NSD3: variants seen among roughly 807,000 people sequenced by gnomAD.
NSD3 encodes the protein histone-lysine N-methyltransferase NSD3.
NSD3 carries 24 observed loss-of-function variants against 160.8 expected under a neutral mutation model. The ratio of observed to expected loss-of-function variants is 0.15; its 90% CI spans 0.11 to 0.21. The LOEUF (loss-of-function observed/expected upper bound fraction) is 0.21. Ranked by LOEUF, NSD3 falls within the 10% of genes least tolerant of loss-of-function variation. The probability of loss-of-function intolerance (pLI) is 1.00; values close to 1 mark genes in which losing one functional copy is unlikely to be tolerated. For missense variants in NSD3, 1,157 were observed against 1,735.9 expected, an observed-to-expected ratio of 0.67 and a Z score of 5.93; for synonymous variants, 520 against 600.0, an observed-to-expected ratio of 0.87 and a Z score of 1.95.
intron 5 of NSD3, among the ~76,000 whole-genome samples, chr8:38,330,731 A>T (rs1216660283): frequency 4.6e-5 from 7 of 152,182 alleles, no homozygotes; most frequent in Non-Finnish European, 2.9e-5. Context: ...AAAAATGACA[A>T]ATTTCTGAAT....
chr8:38,362,479 T>C (rs1811000625), intron 1 of NSD3, among the ~76,000 whole-genome samples: 3 of 152,146 alleles, frequency 2.0e-5, no homozygotes, highest in Admixed American at 6.6e-5. Flanking sequence ...ATTTTTAAAC[T>C]TTTTAAAAAG....
chr8:38,309,617 C>T (rs1328301763), intron 12 of NSD3, among the ~76,000 whole-genome samples: 2 of 152,090 alleles, frequency 1.3e-5, no homozygotes, highest in Non-Finnish European at 2.9e-5. Context: ...TGCACCACTG[C>T]ACTTCAGCCT....
At chr8:38,338,458 A>G in intron 3 of NSD3, 78 bp downstream of exon 3, 1 of 1,188,540 alleles carries the variant, frequency 8.4e-7, no homozygotes, top group Non-Finnish European at 1.3e-6. Context: ...TACCAATACA[A>G]TTGTGTTGCA....
In NSD3 at chr8:38,318,308, T is replaced by C. The variant is rs1809717255; in HGVS notation, c.1855+587A>G. Among the ~76,000 whole-genome samples, 1 of 152,218 alleles carries C rather than the reference T, an allele frequency of 6.6e-6. No individual in the cohort carries two copies. The highest frequency in any genetic ancestry group is 6.5e-5 in the Admixed American group (1 of 15,286). On this transcript the variant is annotated intron_variant, in intron 9 of 23. Transcript: ENST00000317025. The surrounding 1 kb of genome is among the most constrained non-coding windows in gnomAD (Gnocchi z 5.3). ...CACCAAAAACGCACGAATCATGCTA[T>C]GGAGTTTGTACTGTAGTCAAATTGC...
chr8:38,320,454 T>C (rs1461205256), intron 8 of NSD3: 2 of 152,102 alleles, frequency 1.3e-5, no homozygotes, highest in Non-Finnish European at 2.9e-5. Flanking sequence ...TTTAAATGTA[T>C]CTTACTACAT....
chr8:38,333,824 G>A (rs983863583), intron 4 of NSD3, among the ~76,000 whole-genome samples: 5 of 152,106 alleles, frequency 3.3e-5, no homozygotes, highest in African/African-American at 1.2e-4. Context: ...CCGAGATTGC[G>A]CCACTGCAGT....
At chr8:38,351,642 A>G (rs1282318298) in intron 1 of NSD3, among the ~76,000 whole-genome samples, 2 of 151,440 alleles carry the variant, frequency 1.3e-5, no homozygotes, top group Non-Finnish European at 2.9e-5. Flanking sequence ...CAGCCTGGGC[A>G]ACAGAGTGAG....
rs1299935817 is a variant in NSD3 at position 38,337,235 on chromosome 8, C to T, written c.910+70G>A. ...TATATTACGTGTGTATTCTTATATT[C>T]ACATACAACATTTAAAAGTCACTTT... On this transcript the variant is annotated intron_variant, in intron 4 of 23. Coordinates refer to ENST00000317025, the MANE Select transcript of NSD3 (RefSeq NM_023034.2). The T allele has an allele frequency of 4.5e-6, 6 of 1,334,666 alleles. No homozygotes were observed. In the African/African-American group the frequency reaches 7.5e-5, roughly 17 times the overall value. The allele number at this position is 1,334,666 out of a possible 1,614,324, so 82.7% of individuals were successfully genotyped here.
At chr8:38,289,900 A>C (rs1443599691) in intron 17 of NSD3, among the ~76,000 whole-genome samples, 1 of 152,172 alleles carries the variant, frequency 6.6e-6, no homozygotes, top group Non-Finnish European at 1.5e-5. Flanking sequence ...TTCTGTTGCA[A>C]AGGAACTTCA....
chr8:38,375,023 A>G (rs1811355580), intron 1 of NSD3, among the ~76,000 whole-genome samples: 1 of 152,128 alleles, frequency 6.6e-6, no homozygotes, highest in South Asian at 2.1e-4. Context: ...ATTTAAAAAT[A>G]AATAAATAAA....
chr8:38,375,545 C>T (rs1047325198), intron 1 of NSD3, among the ~76,000 whole-genome samples: 1 of 151,938 alleles, frequency 6.6e-6, no homozygotes, highest in Admixed American at 6.6e-5. Context: ...TACATATTTA[C>T]TAACAGCAAC....
intron 2 of NSD3, among the ~76,000 whole-genome samples, chr8:38,344,115 T>A (rs1810454222): frequency 6.6e-6 from 1 of 152,206 alleles, no homozygotes; most frequent in African/African-American, 2.4e-5. Flanking sequence ...GCTGCCTAGA[T>A]GTTTGGACAC....
At chr8:38,305,526 G>A (rs1457044668) in intron 12 of NSD3, 81 bp from the exon 13 acceptor site, 3 of 1,384,426 alleles carry the variant, frequency 2.2e-6, no homozygotes, top group Non-Finnish European at 3.0e-6. Flanking sequence ...ACATCAAACA[G>A]CTACTCCTAA....
intron 4 of NSD3, among the ~76,000 whole-genome samples, chr8:38,331,885 A>G (rs192886430): frequency 0.011 from 1,700 of 152,364 alleles, 20 homozygotes; most frequent in South Asian, 0.018. Flanking sequence ...ACTTTTTAAC[A>G]AAATAGTCAT....
rs1810598258 is a variant in NSD3 at position 38,348,851 on chromosome 8, G to T, written c.-44-636C>A. ...AATTTTTGTATTTTTTGTAGACAGGGTTTCACTATGTTGCCCAAGCTGGTC... is the reference window on the plus strand; with the variant it reads ...AATTTTTGTATTTTTTGTAGACAGGTTTTCACTATGTTGCCCAAGCTGGTC... On this transcript the variant is annotated intron_variant, in intron 1 of 23. Transcript: ENST00000317025. 2.0e-5 allele frequency among the ~76,000 whole-genome samples: 3 copies of T among 152,016 alleles called. No homozygotes were observed. In the South Asian group the frequency reaches 6.2e-4, roughly 32 times the overall value.
chr8:38,329,676 G>C lies in NSD3; in HGVS notation c.1283C>G (p.Thr428Ser), dbSNP rs1434458649. ...KTRRPRSVLN[T>S]QPEQTNAGEV... Reference sequence around the variant, plus strand: ...CCCTGCATTGGTCTGTTCTGGCTGAGTATTCAGCACAGATCTTGGTCGTCG... The same window carrying C: ...CCCTGCATTGGTCTGTTCTGGCTGACTATTCAGCACAGATCTTGGTCGTCG... The change falls in exon 6 of 24, where the codon ACT becomes AGT. Residue 428 changes from threonine (T) to serine (S), a missense_variant. Coordinates refer to ENST00000317025, the MANE Select transcript of NSD3 (RefSeq NM_023034.2). This position sits in a 1 kb window ranked among gnomAD's most constrained non-coding sequence, Gnocchi z 4.8. 1 of 1,614,132 alleles carries C rather than the reference G, an allele frequency of 6.2e-7. No homozygotes were observed. The highest frequency in any genetic ancestry group is 1.3e-5 in the African/African-American group (1 of 74,946).
intron 1 of NSD3, among the ~76,000 whole-genome samples, chr8:38,378,129 T>A (rs1386075510): frequency 2.0e-5 from 3 of 152,114 alleles, no homozygotes; most frequent in Admixed American, 1.3e-4. Flanking sequence ...AATATGTGAA[T>A]AACTTTTTTT....
rs1808562487 is a variant in NSD3 at position 38,274,942 on chromosome 8, A to G, written c.*699T>C. 5.0e-6 allele frequency: 1 copy of G among 199,784 alleles called. No individual in the cohort carries two copies. The highest frequency in any genetic ancestry group is 1.0e-5 in the Non-Finnish European group (1 of 96,860). 12.4% of individuals were successfully genotyped at this position (199,784 alleles called of 1,614,324 possible). On this transcript the variant is annotated 3_prime_UTR_variant, in exon 24 of 24. Transcript: ENST00000317025. ...TTTTTTCCTTCCACCAAGGAAACACACCATATACCCTTCTAGGTAAAGTTA... is the reference window on the plus strand; with the variant it reads ...TTTTTTCCTTCCACCAAGGAAACACGCCATATACCCTTCTAGGTAAAGTTA...
rs1368941650 is a variant in NSD3, at chr8:38,337,487, A to T, written c.748-20T>A. On this transcript the variant is annotated intron_variant, in intron 3 of 23. Transcript: ENST00000317025. ...CTGAACCTACAGGAAAGGGTCAAAA[A>T]ACTTCATCAGAAATTCAAAAAAAGA... is the stretch of plus-strand genomic sequence containing the variant. 1 of 1,532,792 alleles carries T rather than the reference A, an allele frequency of 6.5e-7. No individual in the cohort carries two copies. Among genetic ancestry groups the T allele is most frequent in the South Asian group, 1.3e-5 (1 of 77,010 alleles). 94.9% of individuals were successfully genotyped at this position (1,532,792 alleles called of 1,614,324 possible). A position where few individuals can be genotyped will look rare whatever the true frequency, so the allele number is the denominator to read the frequency against.
Sources: allele counts gnomAD v4.1 joint callset (sites outside exome capture counted in the v4.1 genomes callset), GRCh38; gene constraint gnomAD v4.1.1; non-coding constraint Gnocchi (gnomAD v3.1); transcripts MANE v1.5; gene names NCBI Gene and HGNC (gene_info 2026-07-23, HGNC 2026-07-21).